Variants in ERC1 observed in about 807,000 individuals in gnomAD.
ERC1 encodes RAB6 interacting protein 2.
Under a neutral mutation model 132.0 loss-of-function variants are expected in ERC1, and 56 were observed. The observed-to-expected ratio is 0.42, with a 90% CI of 0.34 to 0.53. The LOEUF is 0.53. Ranked by LOEUF, ERC1 falls within the 20% of genes least tolerant of loss-of-function variation. The pLI is 0.03. For missense variants in ERC1, 1,202 were observed against 1,349.9 expected (o/e 0.89, Z 1.72); for synonymous variants, 478 against 476.1 (o/e 1.00, Z -0.05).
rs561131366 is a variant in ERC1, at chr12:1,394,201, C to A, written c.2926-13948C>A. Among the ~76,000 whole-genome samples, 23 of 151,088 alleles carry A rather than the reference C, an allele frequency of 1.5e-4. No individual in the cohort carries two copies. The East Asian group carries it at 1.8e-3, about 12-fold the overall frequency. On this transcript the variant is annotated intron_variant, in intron 16 of 18. Coordinates refer to ENST00000360905, the MANE Select transcript of ERC1 (RefSeq NM_178040.4). ...AGATCACGAGGTCAGGAGATCGAGACCATCCTGGCTAACACGGTGAAACCC... is the reference window on the plus strand; with the variant it reads ...AGATCACGAGGTCAGGAGATCGAGAACATCCTGGCTAACACGGTGAAACCC...
chr12:1,463,825 T>C (rs1197941014), intron 18 of ERC1, among the ~76,000 whole-genome samples: 2 of 151,796 alleles, frequency 1.3e-5, no homozygotes, highest in Non-Finnish European at 2.9e-5. Flanking sequence ...ACAGCTGCCA[T>C]TAACTTTTTA....
At chr12:1,040,615 T>G (rs924928062) in intron 2 of ERC1, among the ~76,000 whole-genome samples, 1 of 152,140 alleles carries the variant, frequency 6.6e-6, no homozygotes, top group Admixed American at 6.5e-5. Flanking sequence ...CTAAAAATAC[T>G]CATTTTTCTT....
intron 15 of ERC1, among the ~76,000 whole-genome samples, chr12:1,346,021 G>A (rs558796698): frequency 6.6e-6 from 1 of 152,120 alleles, no homozygotes; most frequent in African/African-American, 2.4e-5. Context: ...TGCATCTGAT[G>A]TTGCCCCTCT....
At chr12:1,170,044 A>G (rs1437590816) in intron 8 of ERC1, among the ~76,000 whole-genome samples, 1 of 152,222 alleles carries the variant, frequency 6.6e-6, no homozygotes, top group Non-Finnish European at 1.5e-5. Context: ...GTAGATGTCC[A>G]TTCTAAATAT....
At chr12:1,477,528 T>C (rs2093998744) in intron 18 of ERC1, among the ~76,000 whole-genome samples, 1 of 152,118 alleles carries the variant, frequency 6.6e-6, no homozygotes, top group Admixed American at 6.5e-5. Context: ...ATGTGGGTGT[T>C]GGGGGCCTCT....
intron 11 of ERC1, 123 bp downstream of exon 11, chr12:1,183,544 A>G: frequency 1.9e-6 from 1 of 514,854 alleles, no homozygotes; most frequent in East Asian, 3.2e-5. Context: ...TTAAAATACC[A>G]TGTATATCTG....
At position 1,490,546 on chromosome 12, in the gene ERC1, A is replaced by G; in HGVS notation, c.*316A>G. 1 of 341,164 alleles carries G rather than the reference A, an allele frequency of 2.9e-6. No individual in the cohort carries two copies. Among genetic ancestry groups the G allele is most frequent in the Non-Finnish European group, 5.5e-6 (1 of 182,110 alleles). 21.1% of individuals were successfully genotyped at this position (341,164 alleles called of 1,614,324 possible). A position where few individuals can be genotyped will look rare whatever the true frequency, so the allele number is the denominator to read the frequency against. On this transcript the variant is annotated 3_prime_UTR_variant, in exon 19 of 19. Coordinates refer to ENST00000360905, the MANE Select transcript of ERC1 (RefSeq NM_178040.4). ...GGTGGCTCTGCCCTGACAGAGAGCCATGGAGCAGAGGAGCCTCTCACCTCC... is the reference window on the plus strand; with the variant it reads ...GGTGGCTCTGCCCTGACAGAGAGCCGTGGAGCAGAGGAGCCTCTCACCTCC...
chr12:1,384,345 A>AG, intron 16 of ERC1, among the ~76,000 whole-genome samples: 1 of 152,348 alleles, frequency 6.6e-6, no homozygotes, highest in Middle Eastern at 3.4e-3. Flanking sequence ...ACAGCAGAGG[A>AG]GAGGGTAAAA....
At chr12:1,142,504 G>A (rs1034003973) in intron 8 of ERC1, among the ~76,000 whole-genome samples, 1 of 152,196 alleles carries the variant, frequency 6.6e-6, no homozygotes, top group African/African-American at 2.4e-5. Context: ...AGTCCTTAAA[G>A]TTGAACTGCT....
At chr12:1,330,548 C>T (rs960767751) in intron 15 of ERC1, among the ~76,000 whole-genome samples, 11 of 152,150 alleles carry the variant, frequency 7.2e-5, no homozygotes, top group Admixed American at 5.2e-4. Context: ...CCCACAGGCT[C>T]TCTGCCTAGT....
At chr12:1,361,117 A>AAAG (rs2086057383) in intron 15 of ERC1, among the ~76,000 whole-genome samples, 1 of 149,158 alleles carries the variant, frequency 6.7e-6, no homozygotes, top group East Asian at 2.0e-4. Flanking sequence ...AAAAAAAAAA[A>AAAG]GGTGGGCATG....
intron 12 of ERC1, 108 bp from the exon 13 acceptor site, chr12:1,236,661 C>T (rs2286037): frequency 0.3 from 319,872 of 1,079,954 alleles, 49,177 homozygotes; most frequent in Middle Eastern, 0.35. Flanking sequence ...TGTATTTATT[C>T]GTTGGTTTTC....
At chr12:1,266,774 T>C (rs934892509) in intron 14 of ERC1, among the ~76,000 whole-genome samples, 6 of 152,188 alleles carry the variant, frequency 3.9e-5, no homozygotes, top group African/African-American at 1.4e-4. Flanking sequence ...ACTGAGATAA[T>C]CTACAAATGT....
chr12:1,169,832 T>C (rs200894865), intron 8 of ERC1, among the ~76,000 whole-genome samples: 1 of 152,162 alleles, frequency 6.6e-6, no homozygotes, highest in Admixed American at 6.5e-5. Flanking sequence ...ACTCCCCAAA[T>C]CTCTGAAAGC....
At chr12:1,365,098 A>T (rs1296541839) in intron 15 of ERC1, among the ~76,000 whole-genome samples, 5 of 152,104 alleles carry the variant, frequency 3.3e-5, no homozygotes, top group African/African-American at 9.7e-5. Context: ...GCCTTATATA[A>T]TCCCACTATG....
Position 1,490,132 on chromosome 12 carries a change from G to A in ERC1, c.3253G>A (p.Glu1085Lys). 1 of 1,614,184 alleles carries A rather than the reference G, an allele frequency of 6.2e-7. No homozygotes were observed. Among genetic ancestry groups the A allele is most frequent in the Non-Finnish European group, 8.5e-7 (1 of 1,180,020 alleles). The change falls in exon 19 of 19, where the codon GAA becomes AAA. Residue 1085 changes from glutamate to lysine, a missense_variant. Transcript: ENST00000360905. Reference protein sequence around the residue: ...ELEKGERDNAELQEFANAILQ... With the variant: ...ELEKGERDNAKLQEFANAILQ... ...AGAGAAAGGTGAACGGGACAATGCA[G>A]AACTGCAGGAGTTTGCCAACGCCAT...
intron 18 of ERC1, among the ~76,000 whole-genome samples, chr12:1,453,635 C>A (rs981312647): frequency 6.6e-6 from 1 of 152,162 alleles, no homozygotes; most frequent in Non-Finnish European, 1.5e-5. Flanking sequence ...TGAAAACCTT[C>A]TCTTACCATT....
Position 1,115,979 on chromosome 12 carries a change from G to T in ERC1, c.1515G>T (p.Val505=). Reference sequence around the variant, plus strand: ...CAGATAGTAAACAGCACATTGAAGTGTTGAAGGAGTCCTTGACTGCTAAGG... The same window carrying T: ...CAGATAGTAAACAGCACATTGAAGTTTTGAAGGAGTCCTTGACTGCTAAGG... ...QFSDSKQHIE[V]LKESLTAKEQ... The change falls in exon 7 of 19, where the codon GTG becomes GTT. Residue 505 remains valine, a synonymous_variant. Coordinates refer to ENST00000360905, the MANE Select transcript of ERC1 (RefSeq NM_178040.4). The T allele has an allele frequency of 1.2e-6, 2 of 1,614,146 alleles. No individual in the cohort carries two copies. The highest frequency in any genetic ancestry group is 1.7e-6 in the Non-Finnish European group (2 of 1,179,998).
rs150377097 is a variant in ERC1, at chr12:1,451,508, C to T, written c.3213+6758C>T. Reference sequence around the variant, plus strand: ...GATACAGTGGTGTGTGCCTGCAGTCCCACCTACTCGGGAGGCCCAGGTGGG... The same window carrying T: ...GATACAGTGGTGTGTGCCTGCAGTCTCACCTACTCGGGAGGCCCAGGTGGG... On this transcript the variant is annotated intron_variant, in intron 18 of 18. Transcript: ENST00000360905. Among the ~76,000 whole-genome samples the T allele has an allele frequency of 4.1e-3, 619 of 152,074 alleles. 5 individuals are homozygous for T. Among genetic ancestry groups the T allele is most frequent in the African/African-American group, 0.014 (576 of 41,468 alleles).
Sources: gnomAD v4.1 joint callset for allele counts (sites outside exome capture counted in the v4.1 genomes callset) on GRCh38, gnomAD v4.1.1 for gene constraint, MANE v1.5 for transcripts, NCBI Gene and HGNC (gene_info 2026-07-23, HGNC 2026-07-21) for gene names.